Variants in ENOX1 observed in about 807,000 individuals in gnomAD.
ENOX1 encodes ecto-NOX disulfide-thiol exchanger 1.
A neutral mutation model predicts 82.5 loss-of-function variants in ENOX1; 42 were observed. The ratio of observed to expected loss-of-function variants is 0.51; its 90% confidence interval spans 0.40 to 0.66. ENOX1 has a LOEUF of 0.66. Among genes scored for constraint, ENOX1 ranks in the 30% least tolerant of loss-of-function variants. ENOX1 has a pLI of 0.00. For missense variants in ENOX1, 608 were observed against 811.6 expected (o/e 0.75, Z 3.05); for synonymous variants, 271 against 282.2 (o/e 0.96, Z 0.40).
chr13:43,382,834 T>C (rs2052151213), intron 5 of ENOX1, among the ~76,000 whole-genome samples: 1 of 152,096 alleles, frequency 6.6e-6, no homozygotes, highest in Non-Finnish European at 1.5e-5. Flanking sequence ...AGGTCATAGG[T>C]AAAAACGAAA....
At chr13:43,248,860 C>T (rs2043289244) in intron 14 of ENOX1, among the ~76,000 whole-genome samples, 1 of 151,994 alleles carries the variant, frequency 6.6e-6, no homozygotes, top group Admixed American at 6.5e-5. Flanking sequence ...TATGTGTTTG[C>T]ATATACACAT....
chr13:43,643,419 C>A (rs941585380), intron 2 of ENOX1, among the ~76,000 whole-genome samples: 1 of 152,106 alleles, frequency 6.6e-6, no homozygotes, highest in Non-Finnish European at 1.5e-5. Context: ...CTCTATGAAC[C>A]ACCAATTGAA....
chr13:43,281,830 G>T (rs1190688443), intron 12 of ENOX1, among the ~76,000 whole-genome samples: 3 of 152,142 alleles, frequency 2.0e-5, no homozygotes, highest in Non-Finnish European at 4.4e-5. Flanking sequence ...CGTTTTTAGG[G>T]TCTGCTGGTA....
chr13:43,225,314 A>G (rs2041975828), intron 15 of ENOX1, among the ~76,000 whole-genome samples: 1 of 152,228 alleles, frequency 6.6e-6, no homozygotes. Flanking sequence ...ATTAGGGATT[A>G]TGCCCATTAC....
At chr13:43,511,856 A>G (rs951517025) in intron 2 of ENOX1, among the ~76,000 whole-genome samples, 21 of 151,978 alleles carry the variant, frequency 1.4e-4, no homozygotes, top group African/African-American at 4.6e-4. Context: ...AGCACCACAT[A>G]TTTCCTTTCC....
At chr13:43,670,891 G>C (rs1402848145) in intron 1 of ENOX1, among the ~76,000 whole-genome samples, 2 of 149,948 alleles carry the variant, frequency 1.3e-5, no homozygotes, top group African/African-American at 5.0e-5. Flanking sequence ...CAAAACACCA[G>C]TATTTGAAGG....
intron 3 of ENOX1, among the ~76,000 whole-genome samples, chr13:43,478,606 CATCTT>C (rs1340402229): frequency 3.9e-5 from 6 of 152,014 alleles, no homozygotes; most frequent in African/African-American, 1.4e-4. Flanking sequence ...ATAGATGATA[CATCTT>C]ATCATGTAGT....
chr13:43,269,365 A>C, intron 13 of ENOX1, 105 bp downstream of exon 13: 1 of 844,358 alleles, frequency 1.2e-6, no homozygotes, highest in Non-Finnish European at 2.0e-6. Flanking sequence ...GACTAATTGT[A>C]CTGCAGATTA....
intron 12 of ENOX1, among the ~76,000 whole-genome samples, chr13:43,296,985 C>T (rs76664486): frequency 0.011 from 1,692 of 152,236 alleles, 34 homozygotes; most frequent in African/African-American, 0.039. Flanking sequence ...CACACAGCAG[C>T]TGTTACATCG....
chr13:43,628,299 T>C (rs1292125010), intron 2 of ENOX1, among the ~76,000 whole-genome samples: 1 of 152,198 alleles, frequency 6.6e-6, no homozygotes, highest in Non-Finnish European at 1.5e-5. Context: ...CTTATCATTA[T>C]TCTCTTTACT....
At chr13:43,345,382 G>A (rs1377625221) in intron 8 of ENOX1, among the ~76,000 whole-genome samples, 3 of 152,152 alleles carry the variant, frequency 2.0e-5, no homozygotes, top group Non-Finnish European at 2.9e-5. Flanking sequence ...CCACAAAAGA[G>A]AACATGTTTC....
In ENOX1 at chr13:43,754,489, C is replaced by T. The variant is rs1308797090; in HGVS notation, c.-285+32163G>A. 4.6e-5 allele frequency among the ~76,000 whole-genome samples: 7 copies of T among 151,440 alleles called. No individual in the cohort carries two copies. In the East Asian group the frequency reaches 5.8e-4, roughly 13 times the overall value. ...CTGGGATTACAGGTGTGTGCCACTACGCCTGGCTAGTTTTTGTATTTTTAG... is the reference window on the plus strand; with the variant it reads ...CTGGGATTACAGGTGTGTGCCACTATGCCTGGCTAGTTTTTGTATTTTTAG... On this transcript the variant is annotated intron_variant, in intron 1 of 16. Transcript: ENST00000690772.
At chr13:43,355,555 A>C (rs1184044284) in intron 8 of ENOX1, among the ~76,000 whole-genome samples, 2 of 152,240 alleles carry the variant, frequency 1.3e-5, no homozygotes, top group Non-Finnish European at 2.9e-5. Flanking sequence ...TTGCTGGCTC[A>C]TTAAACACTG....
At chr13:43,574,143 C>T (rs1310538907) in intron 2 of ENOX1, among the ~76,000 whole-genome samples, 2 of 152,108 alleles carry the variant, frequency 1.3e-5, no homozygotes, top group Non-Finnish European at 2.9e-5. Context: ...GTCATTTAGC[C>T]AATTTTCCCT....
chr13:43,512,719 T>C (rs1386889613), intron 2 of ENOX1, among the ~76,000 whole-genome samples: 2 of 151,976 alleles, frequency 1.3e-5, no homozygotes, highest in Non-Finnish European at 2.9e-5. Context: ...GCCTATCACT[T>C]GCATTTTTGC....
chr13:43,239,096 G>A (rs2042692228), intron 14 of ENOX1, among the ~76,000 whole-genome samples: 1 of 152,194 alleles, frequency 6.6e-6, no homozygotes, highest in African/African-American at 2.4e-5. Flanking sequence ...CTCTTGCTTT[G>A]GTGATGTTTT....
intron 5 of ENOX1, among the ~76,000 whole-genome samples, chr13:43,366,253 GC>G (rs1223950680): frequency 1.3e-5 from 2 of 151,328 alleles, no homozygotes; most frequent in Non-Finnish European, 2.9e-5. Flanking sequence ...AAGGGATCTG[GC>G]ACAGCTGGAT....
intron 3 of ENOX1, among the ~76,000 whole-genome samples, chr13:43,460,686 C>T (rs967907425): frequency 6.6e-6 from 1 of 151,128 alleles, no homozygotes; most frequent in East Asian, 1.9e-4. Context: ...TCCAGCTACT[C>T]GGGAGGCTGA....
intron 2 of ENOX1, among the ~76,000 whole-genome samples, chr13:43,616,096 C>CTA (rs1168559754): frequency 7.3e-5 from 6 of 81,980 alleles, no homozygotes; most frequent in East Asian, 3.4e-4. Context: ...ATATATATAT[C>CTA]TATATAGATA....
Sources: allele counts gnomAD v4.1 joint callset (sites outside exome capture counted in the v4.1 genomes callset), GRCh38; gene constraint gnomAD v4.1.1; transcripts MANE v1.5; gene names NCBI Gene and HGNC (gene_info 2026-07-23, HGNC 2026-07-21).